Variants in CCDC149 observed in about 807,000 individuals in gnomAD.
The protein encoded by CCDC149 is coiled-coil domain containing 149.
Under a neutral mutation model 59.9 loss-of-function variants are expected in CCDC149, and 45 were observed. The ratio of observed to expected loss-of-function variants is 0.75; its 90% CI spans 0.59 to 0.96. The LOEUF (loss-of-function observed/expected upper bound fraction) is 0.96, where lower values mean the gene tolerates loss of function less well. Ranked by LOEUF, CCDC149 falls within the 40% of genes least tolerant of loss-of-function variation. The pLI, the probability that CCDC149 is intolerant of heterozygous loss-of-function variation, is 0.00. For missense variants in CCDC149, 584 were observed against 664.7 expected, an observed-to-expected ratio of 0.88 and a Z score of 1.33; for synonymous variants, 245 against 260.6, an observed-to-expected ratio of 0.94 and a Z score of 0.58.
intron 1 of CCDC149, among the ~76,000 whole-genome samples, chr4:24,901,851 C>T (rs555359601): frequency 6.6e-6 from 1 of 152,326 alleles, no homozygotes; most frequent in Non-Finnish European, 1.5e-5. Flanking sequence ...TCCAATCCTG[C>T]TAGCCGTAAC....
At chr4:24,902,665 T>G (rs1019957740) in intron 1 of CCDC149, among the ~76,000 whole-genome samples, 2 of 152,150 alleles carry the variant, frequency 1.3e-5, no homozygotes, top group Non-Finnish European at 2.9e-5. Context: ...CCTACATTAG[T>G]GTCTAAGATC....
intron 1 of CCDC149, among the ~76,000 whole-genome samples, chr4:24,882,800 CT>C (rs1349031264): frequency 6.6e-6 from 1 of 152,150 alleles, no homozygotes; most frequent in Non-Finnish European, 1.5e-5. Flanking sequence ...GCTCCAAGGA[CT>C]TTAGATATGG....
At chr4:24,958,002 G>A (rs746358480) in intron 1 of CCDC149, among the ~76,000 whole-genome samples, 1 of 152,164 alleles carries the variant, frequency 6.6e-6, no homozygotes, top group Non-Finnish European at 1.5e-5. Context: ...AACAACCAAA[G>A]GGGCTGGTGC....
chr4:24,898,381 T>C (rs943279244), intron 1 of CCDC149, among the ~76,000 whole-genome samples: 3 of 152,066 alleles, frequency 2.0e-5, no homozygotes, highest in African/African-American at 7.2e-5. Flanking sequence ...TAGCTACATA[T>C]TTCTGGAGCT....
At position 24,835,027 on chromosome 4, in the gene CCDC149, A is replaced by G; in HGVS notation, c.741T>C (p.Ala247=). Residue 247 remains alanine, a synonymous_variant, in exon 8 of 13, where the codon GCT becomes GCC. Coordinates refer to ENST00000635206, the MANE Select transcript of CCDC149 (RefSeq NM_001330643.2). ...CCTTCGAGTTTTTCCGTCTCTCCAGAGCATTCTAAAACAGGATTGGGAGAG... is the reference window on the plus strand; with the variant it reads ...CCTTCGAGTTTTTCCGTCTCTCCAGGGCATTCTAAAACAGGATTGGGAGAG... 1.2e-6 allele frequency: 2 copies of G among 1,613,226 alleles called. No individual in the cohort carries two copies. Among genetic ancestry groups the G allele is most frequent in the Non-Finnish European group, 1.7e-6 (2 of 1,179,226 alleles).
chr4:24,965,453 C>CA (rs1723766176), intron 1 of CCDC149, among the ~76,000 whole-genome samples: 1 of 143,726 alleles, frequency 7.0e-6, no homozygotes, highest in African/African-American at 2.9e-5. Context: ...TGTTCTCTGA[C>CA]CACAGTGGAA....
upstream of CCDC149, among the ~76,000 whole-genome samples, chr4:24,917,643 C>T (rs570705047): frequency 3.3e-5 from 5 of 152,034 alleles, no homozygotes; most frequent in Admixed American, 6.5e-5. Flanking sequence ...GGGAGGAGAG[C>T]GGAAAACCGT....
chr4:24,964,854 CTAATAGAACACCAATTCAAAGACAGT>C (rs1723747743), intron 1 of CCDC149, among the ~76,000 whole-genome samples: 1 of 143,722 alleles, frequency 7.0e-6, no homozygotes, highest in Non-Finnish European at 1.5e-5. Flanking sequence ...TGACACAATA[CTAATAGAACACCAATTCAAAGACAGT>C]AGGTTTCTCA....
chr4:24,844,824 C>G (rs1055928550), intron 4 of CCDC149, among the ~76,000 whole-genome samples: 1 of 152,112 alleles, frequency 6.6e-6, no homozygotes. Flanking sequence ...GCCCACAGTG[C>G]CCTGGGCCCA....
chr4:24,858,589 G>A (rs921132832), intron 3 of CCDC149, among the ~76,000 whole-genome samples: 18 of 152,216 alleles, frequency 1.2e-4, no homozygotes, highest in African/African-American at 3.6e-4. Flanking sequence ...AAAACATAGC[G>A]GAGAGATTCA....
chr4:24,920,989 G>A (rs1722267344), intron 1 of CCDC149, among the ~76,000 whole-genome samples: 1 of 152,172 alleles, frequency 6.6e-6, no homozygotes, highest in African/African-American at 2.4e-5. Flanking sequence ...GACCCTGAAA[G>A]TGCCTCAGTT....
chr4:24,959,058 C>A (rs1723557634), intron 1 of CCDC149, among the ~76,000 whole-genome samples: 1 of 152,190 alleles, frequency 6.6e-6, no homozygotes, highest in Admixed American at 6.5e-5. Flanking sequence ...ACTGCAAGCT[C>A]CGCCTCCCGG....
chr4:24,924,833 T>G (rs1722392579), intron 1 of CCDC149, among the ~76,000 whole-genome samples: 1 of 152,136 alleles, frequency 6.6e-6, no homozygotes, highest in African/African-American at 2.4e-5. Flanking sequence ...TATGGATGAG[T>G]ATCAAGGTTT....
intron 4 of CCDC149, among the ~76,000 whole-genome samples, chr4:24,844,216 C>A (rs1474043119): frequency 6.6e-6 from 1 of 152,116 alleles, no homozygotes; most frequent in African/African-American, 2.4e-5. Context: ...ATGGCATGAA[C>A]CTTGCTTGTC....
intron 1 of CCDC149, among the ~76,000 whole-genome samples, chr4:24,952,770 G>A (rs948173744): frequency 6.6e-5 from 10 of 150,470 alleles, no homozygotes; most frequent in African/African-American, 2.0e-4. Context: ...ACCACCATCC[G>A]TCATCGGAAC....
intron 1 of CCDC149, among the ~76,000 whole-genome samples, chr4:24,877,859 G>A (rs979374513): frequency 2.0e-5 from 3 of 152,226 alleles, no homozygotes; most frequent in East Asian, 3.9e-4. Context: ...GCATGGGCCC[G>A]AACAGGACTC....
intron 12 of CCDC149, among the ~76,000 whole-genome samples, chr4:24,814,478 A>T (rs1341624919): frequency 6.6e-6 from 1 of 152,108 alleles, no homozygotes; most frequent in Admixed American, 6.6e-5. Flanking sequence ...CTGCTGGGAG[A>T]CAGAAACCGT....
intron 1 of CCDC149, among the ~76,000 whole-genome samples, chr4:24,973,215 C>G (rs886505141): frequency 6.6e-6 from 1 of 152,172 alleles, no homozygotes; most frequent in Non-Finnish European, 1.5e-5. Context: ...TTATGTCTCC[C>G]TAACACATAT....
intron 1 of CCDC149, among the ~76,000 whole-genome samples, chr4:24,904,048 C>T (rs1721331256): frequency 6.6e-6 from 1 of 152,180 alleles, no homozygotes; most frequent in African/African-American, 2.4e-5. Flanking sequence ...GATCCGCCCG[C>T]CTCAGCCTCC....
Sources: gnomAD v4.1 joint callset for allele counts (sites outside exome capture counted in the v4.1 genomes callset) on GRCh38, gnomAD v4.1.1 for gene constraint, MANE v1.5 for transcripts, NCBI Gene and HGNC (gene_info 2026-07-23, HGNC 2026-07-21) for gene names.